The following TRIM44 variants were observed in gnomAD, a reference collection of about 807,000 sequenced individuals.
TRIM44 encodes the protein tripartite motif-containing protein 44.
In TRIM44, 13 loss-of-function variants were observed where a neutral mutation model predicts 37.4. That is an observed-to-expected ratio of 0.35 (90% CI 0.23 to 0.55). The LOEUF is 0.55. Ranked by LOEUF, TRIM44 falls within the 20% of genes least tolerant of loss-of-function variation. The probability of loss-of-function intolerance (pLI) is 0.89; values close to 1 mark genes in which losing one functional copy is unlikely to be tolerated. For missense variants in TRIM44, 426 were observed against 437.2 expected (o/e 0.97, Z 0.23); for synonymous variants, 175 against 157.2 (o/e 1.11, Z -0.85).
chr11:35,775,231 A>G (rs570167525), intron 4 of TRIM44, among the ~76,000 whole-genome samples: 1 of 152,286 alleles, frequency 6.6e-6, no homozygotes, highest in Admixed American at 6.5e-5. Context: ...CTTTGAAGCA[A>G]TTGTGAATGG....
intron 3 of TRIM44, among the ~76,000 whole-genome samples, chr11:35,734,653 T>G (rs1852307489): frequency 6.6e-6 from 1 of 152,156 alleles, no homozygotes; most frequent in Non-Finnish European, 1.5e-5. Flanking sequence ...ATTTGAAAAA[T>G]CTAATTTGAT....
intron 4 of TRIM44, among the ~76,000 whole-genome samples, chr11:35,768,849 G>C (rs1304401807): frequency 1.3e-5 from 2 of 152,178 alleles, no homozygotes; most frequent in East Asian, 3.8e-4. Flanking sequence ...AATATAGTCA[G>C]ATTTGAAGAC....
At chr11:35,711,199 T>G (rs1851966998) in intron 2 of TRIM44, among the ~76,000 whole-genome samples, 1 of 152,168 alleles carries the variant, frequency 6.6e-6, no homozygotes, top group South Asian at 2.1e-4. Context: ...AATATGTGAA[T>G]TATATCTCAA....
chr11:35,709,798 C>T (rs889606804), intron 2 of TRIM44, among the ~76,000 whole-genome samples: 1 of 152,162 alleles, frequency 6.6e-6, no homozygotes. Context: ...ATACTTCAGA[C>T]CCCACTTCTG....
chr11:35,718,501 G>A (rs1226810457), intron 2 of TRIM44, among the ~76,000 whole-genome samples: 1 of 152,064 alleles, frequency 6.6e-6, no homozygotes, highest in African/African-American at 2.4e-5. Context: ...TTCCCCACAT[G>A]CGTAGCCTCC....
chr11:35,696,230 G>A (rs768214647), intron 2 of TRIM44, among the ~76,000 whole-genome samples: 8 of 149,010 alleles, frequency 5.4e-5, no homozygotes, highest in South Asian at 2.1e-4. Flanking sequence ...TGCAAGCTCC[G>A]CCTCGGGTTC....
At chr11:35,751,415 A>G (rs2057520) in intron 4 of TRIM44, among the ~76,000 whole-genome samples, 32 of 152,338 alleles carry the variant, frequency 2.1e-4, no homozygotes, top group Non-Finnish European at 4.4e-4. Context: ...TAATATGGCC[A>G]GGCCTTGATG....
At chr11:35,796,644 G>A (rs181653287) in intron 4 of TRIM44, among the ~76,000 whole-genome samples, 102 of 152,206 alleles carry the variant, frequency 6.7e-4, no homozygotes, top group African/African-American at 2.3e-3. Context: ...GTATAGGAAA[G>A]GTTCCTTTCA....
At chr11:35,801,290 G>A (rs1168551156) in intron 4 of TRIM44, among the ~76,000 whole-genome samples, 1 of 152,186 alleles carries the variant, frequency 6.6e-6, no homozygotes, top group Non-Finnish European at 1.5e-5. Context: ...TTGAATTTCA[G>A]CTGACTCTAG....
intron 2 of TRIM44, among the ~76,000 whole-genome samples, chr11:35,725,070 A>T (rs984955572): frequency 0.017 from 1,050 of 63,500 alleles, 8 homozygotes; most frequent in Non-Finnish European, 0.019. Context: ...ACACACTCAC[A>T]CACACACACA....
chr11:35,757,144 A>T (rs540165028), intron 4 of TRIM44, among the ~76,000 whole-genome samples: 1 of 152,212 alleles, frequency 6.6e-6, no homozygotes, highest in African/African-American at 2.4e-5. Flanking sequence ...GGACTTTTTC[A>T]GTTGGTAAGC....
intron 4 of TRIM44, among the ~76,000 whole-genome samples, chr11:35,776,056 C>A (rs1272423115): frequency 6.6e-6 from 1 of 152,158 alleles, no homozygotes; most frequent in Admixed American, 6.5e-5. Context: ...TACAGCTCCC[C>A]TTTGTACCTC....
intron 2 of TRIM44, among the ~76,000 whole-genome samples, chr11:35,706,113 A>C (rs1334216139): frequency 6.7e-6 from 1 of 149,136 alleles, no homozygotes; most frequent in Non-Finnish European, 1.5e-5. Context: ...GCAAACTATC[A>C]TCAGAGAATA....
At chr11:35,751,338 G>A (rs777291894) in intron 4 of TRIM44, among the ~76,000 whole-genome samples, 3 of 152,124 alleles carry the variant, frequency 2.0e-5, no homozygotes, top group Non-Finnish European at 2.9e-5. Context: ...TGCATCTAAC[G>A]AATAGTAATT....
chr11:35,751,192 TTTTCCAG>T (rs1852555385), intron 4 of TRIM44, among the ~76,000 whole-genome samples: 1 of 152,208 alleles, frequency 6.6e-6, no homozygotes. Context: ...ACAATTACAT[TTTTCCAG>T]TTTTAAGTCA....
chr11:35,680,163 C>T (rs1851507346), intron 1 of TRIM44, among the ~76,000 whole-genome samples: 1 of 152,162 alleles, frequency 6.6e-6, no homozygotes, highest in Non-Finnish European at 1.5e-5. Context: ...TACATTTAGG[C>T]AAATTCATGG....
At chr11:35,748,237 A>T (rs1852516354) in intron 4 of TRIM44, among the ~76,000 whole-genome samples, 1 of 152,162 alleles carries the variant, frequency 6.6e-6, no homozygotes. Context: ...TTGGTAATAA[A>T]ATAGGACCCA....
intron 4 of TRIM44, among the ~76,000 whole-genome samples, chr11:35,742,517 A>G (rs1244700064): frequency 7.5e-6 from 1 of 133,068 alleles, no homozygotes; most frequent in Admixed American, 8.1e-5. Context: ...ATATAATTAT[A>G]TTAATTGTAT....
At chr11:35,787,753 G>A (rs1853148833) in intron 4 of TRIM44, among the ~76,000 whole-genome samples, 1 of 152,182 alleles carries the variant, frequency 6.6e-6, no homozygotes, top group Non-Finnish European at 1.5e-5. Flanking sequence ...GAGTGTCAAT[G>A]TCAGGGAAAT....
Sources: allele counts gnomAD v4.1 joint callset (sites outside exome capture counted in the v4.1 genomes callset), GRCh38; gene constraint gnomAD v4.1.1; transcripts MANE v1.5; gene names NCBI Gene and HGNC (gene_info 2026-07-23, HGNC 2026-07-21).